The following GOLGA1 variants were observed in gnomAD, a reference collection of about 807,000 sequenced individuals.
GOLGA1 encodes the protein golgin subfamily A member 1.
GOLGA1 carries 63 observed loss-of-function variants against 119.7 expected under a neutral mutation model. The ratio of observed to expected loss-of-function variants is 0.53; its 90% confidence interval spans 0.43 to 0.65. The LOEUF (loss-of-function observed/expected upper bound fraction) is 0.65. Ranked by LOEUF, GOLGA1 falls within the 30% of genes least tolerant of loss-of-function variation. The probability of loss-of-function intolerance (pLI) is 0.00; values close to 1 mark genes in which losing one functional copy is unlikely to be tolerated. For synonymous variants in GOLGA1, 318 were observed against 333.4 expected, an observed-to-expected ratio of 0.95 and a Z score of 0.50; for missense variants, 798 against 912.8, an observed-to-expected ratio of 0.87 and a Z score of 1.62.
chr9:124,923,099 T>C lies in GOLGA1; in HGVS notation c.557A>G (p.His186Arg). 1 of 1,605,132 alleles carries C rather than the reference T, an allele frequency of 6.2e-7. No homozygotes were observed. Among genetic ancestry groups the C allele is most frequent in the Non-Finnish European group, 8.5e-7 (1 of 1,175,374 alleles). Residue 186 changes from histidine to arginine, a missense_variant, in exon 8 of 23, where the codon CAC (histidine) becomes CGC (arginine). Coordinates refer to ENST00000373555, the MANE Select transcript of GOLGA1 (RefSeq NM_002077.4). ...FQQQELSKIK[H>R]MLLKKEESLG... ...TACTAAAACAAAAATGCATACCATG[T>C]GCTTTATTTTACTTAGTTCCTGCTG...
chr9:124,887,143 G>A (rs1304392438), intron 19 of GOLGA1, among the ~76,000 whole-genome samples: 2 of 152,232 alleles, frequency 1.3e-5, no homozygotes, highest in African/African-American at 4.8e-5. Context: ...ACACAGACCC[G>A]ACGCTGAACA....
At position 124,903,839 on chromosome 9, in the gene GOLGA1, A is replaced by G. The variant is rs1330614111; in HGVS notation, c.1066-3292T>C. Among the ~76,000 whole-genome samples the G allele has an allele frequency of 5.3e-5, 8 of 152,244 alleles. No homozygotes were observed. In the East Asian group the frequency reaches 1.5e-3, roughly 29 times the overall value. ...GCCGAGGTGGGCGGGTCACAAGGTC[A>G]GGAGATTGAGACCATCTTGGTCAAC... On this transcript the variant is annotated intron_variant, in intron 12 of 22. Transcript: ENST00000373555.
intron 5 of GOLGA1, among the ~76,000 whole-genome samples, chr9:124,928,923 G>C (rs1251126051): frequency 6.6e-6 from 1 of 152,112 alleles, no homozygotes; most frequent in African/African-American, 2.4e-5. Context: ...TAAGGGATGG[G>C]TACTAGATTT....
At chr9:124,886,836 G>A (rs1438572415) in intron 19 of GOLGA1, among the ~76,000 whole-genome samples, 2 of 152,012 alleles carry the variant, frequency 1.3e-5, no homozygotes, top group African/African-American at 4.8e-5. Context: ...GGTGAAGAGA[G>A]GAGAGAAGGT....
Position 124,881,304 on chromosome 9 carries a change from G to C in GOLGA1, c.2137-47C>G, listed in dbSNP as rs2131353320. ...TGCCATAGGCCTTGGTGAAGGTGAG[G>C]CGGGGTGGGGTCGGGGGAGCTACGT... On this transcript the variant is annotated intron_variant, in intron 21 of 22. Transcript: ENST00000373555. This position sits in a 1 kb window ranked among gnomAD's most constrained non-coding sequence, Gnocchi z 4.9. The C allele has an allele frequency of 3.7e-6, 4 of 1,082,454 alleles. No individual in the cohort carries two copies. The highest frequency in any genetic ancestry group is 5.8e-6 in the Non-Finnish European group (4 of 693,744). 67.1% of individuals were successfully genotyped at this position (1,082,454 alleles called of 1,614,324 possible).
chr9:124,939,709 T>C (rs1355839984), intron 2 of GOLGA1, among the ~76,000 whole-genome samples: 2 of 151,874 alleles, frequency 1.3e-5, no homozygotes, highest in Non-Finnish European at 2.9e-5. Flanking sequence ...ATTACAGGAA[T>C]GCGCCACTAT....
chr9:124,915,165 T>C (rs1830415664), intron 10 of GOLGA1, among the ~76,000 whole-genome samples: 1 of 152,172 alleles, frequency 6.6e-6, no homozygotes, highest in African/African-American at 2.4e-5. Context: ...GGTGGTCACT[T>C]GATTCAGACA....
upstream of GOLGA1, chr9:124,944,061 G>C (rs1440179501): frequency 6.6e-5 from 10 of 152,144 alleles, no homozygotes; most frequent in Non-Finnish European, 1.0e-4. Flanking sequence ...TCAACTGGAA[G>C]AATCATCCAA....
At chr9:124,931,280 T>G (rs778479179) in intron 4 of GOLGA1, 36 bp downstream of exon 4, 1 of 954,198 alleles carries the variant, frequency 1.0e-6, no homozygotes, top group South Asian at 1.3e-5. Context: ...AAGGCAAGTT[T>G]CCTGTTGTTT....
chr9:124,934,492 G>C (rs921922624), intron 3 of GOLGA1, among the ~76,000 whole-genome samples: 6 of 152,182 alleles, frequency 3.9e-5, no homozygotes, highest in Admixed American at 3.9e-4. Context: ...ATTCTAGAGA[G>C]AGGAAATAGC....
intron 3 of GOLGA1, among the ~76,000 whole-genome samples, chr9:124,937,219 C>T (rs543983440): frequency 6.9e-4 from 105 of 152,082 alleles, no homozygotes; most frequent in African/African-American, 2.4e-3. Flanking sequence ...TTTGGGAGAC[C>T]GACGCGGGAG....
chr9:124,907,646 T>C (rs144955099), intron 12 of GOLGA1, among the ~76,000 whole-genome samples: 1 of 152,206 alleles, frequency 6.6e-6, no homozygotes, highest in Non-Finnish European at 1.5e-5. Context: ...GGAAAGGATA[T>C]GAATGGGCAA....
intron 8 of GOLGA1, among the ~76,000 whole-genome samples, 192 bp from the exon 9 acceptor site, chr9:124,922,084 C>T (rs1406479870): frequency 6.6e-6 from 1 of 151,888 alleles, no homozygotes; most frequent in African/African-American, 2.4e-5. Flanking sequence ...AAACATTAGC[C>T]GGGCGTGGTG....
chr9:124,909,108 G>A (rs903039712), intron 11 of GOLGA1, among the ~76,000 whole-genome samples: 1 of 152,088 alleles, frequency 6.6e-6, no homozygotes, highest in Non-Finnish European at 1.5e-5. Flanking sequence ...TCAGGAGTTC[G>A]AGACCAGCCT....
chr9:124,941,589 C>A (rs994935230), upstream of GOLGA1, among the ~76,000 whole-genome samples: 1 of 152,236 alleles, frequency 6.6e-6, no homozygotes, highest in African/African-American at 2.4e-5. Context: ...TGGGACCTTA[C>A]ACCTTGAGAC....
intron 8 of GOLGA1, among the ~76,000 whole-genome samples, chr9:124,922,410 G>A (rs1042238306): frequency 3.3e-5 from 5 of 151,192 alleles, no homozygotes; most frequent in African/African-American, 4.9e-5. Flanking sequence ...AAAATTAGCC[G>A]GGCATGGTAG....
intron 12 of GOLGA1, among the ~76,000 whole-genome samples, chr9:124,904,432 T>A (rs1035324335): frequency 2.2e-4 from 34 of 152,220 alleles, no homozygotes; most frequent in African/African-American, 8.2e-4. Context: ...AATAAAACAG[T>A]CTTTTCAGAA....
At chr9:124,891,080 C>T (rs542459443) in intron 15 of GOLGA1, among the ~76,000 whole-genome samples, 49 of 152,246 alleles carry the variant, frequency 3.2e-4, no homozygotes, top group South Asian at 2.3e-3. Flanking sequence ...TGCTTGTGTC[C>T]GGGAGGTCAA....
chr9:124,937,616 G>A (rs191061751), intron 3 of GOLGA1, among the ~76,000 whole-genome samples: 4 of 139,604 alleles, frequency 2.9e-5, no homozygotes, highest in African/African-American at 1.1e-4. Flanking sequence ...GGCTGACAGA[G>A]TGAGACTCTG....
Sources: allele counts gnomAD v4.1 joint callset (sites outside exome capture counted in the v4.1 genomes callset), GRCh38; gene constraint gnomAD v4.1.1; non-coding constraint Gnocchi (gnomAD v3.1); transcripts MANE v1.5; gene names NCBI Gene and HGNC (gene_info 2026-07-23, HGNC 2026-07-21).